Variants in MPP7 observed in about 807,000 individuals in gnomAD.
The protein encoded by MPP7 is MAGUK p55 subfamily member 7.
In MPP7, 60 loss-of-function variants were observed where a neutral mutation model predicts 76.5. The observed-to-expected ratio is 0.78, with a 90% confidence interval of 0.64 to 0.97. The LOEUF (loss-of-function observed/expected upper bound fraction) is 0.97, where lower values mean the gene tolerates loss of function less well. Among genes scored for constraint, MPP7 ranks in the 50% least tolerant of loss-of-function variants. The pLI is 0.00. For synonymous variants in MPP7, 237 were observed against 244.5 expected (o/e 0.97, Z 0.29); for missense variants, 641 against 694.0 (o/e 0.92, Z 0.86).
In MPP7 at chr10:28,073,854, T is replaced by C. The variant is rs78890166; in HGVS notation, c.1124-4002A>G. ...GCCCTGTCTGCCTGCAACTCTCTCCTTTACTTGAAGCTGAGAGGAATTCTG... is the reference window on the plus strand; with the variant it reads ...GCCCTGTCTGCCTGCAACTCTCTCCCTTACTTGAAGCTGAGAGGAATTCTG... On this transcript the variant is annotated intron_variant, in intron 12 of 16. Coordinates refer to ENST00000683449, the MANE Select transcript of MPP7 (RefSeq NM_001318170.2). Among the ~76,000 whole-genome samples, 1,174 of 152,226 alleles carry C rather than the reference T, an allele frequency of 7.7e-3. 47 individuals are homozygous for C. In the East Asian group the frequency reaches 0.11, roughly 15 times the overall value.
At position 28,207,714 on chromosome 10, in the gene MPP7, A is replaced by C. The variant is rs148286954; in HGVS notation, c.38-5443T>G. On this transcript the variant is annotated intron_variant, in intron 2 of 16. Coordinates refer to ENST00000683449, the MANE Select transcript of MPP7 (RefSeq NM_001318170.2). ...CTCAAAAAGAAAAAAAAAAATGAAAAAAGAAAGAAAAAGAAAAGGCTATAC... is the reference window on the plus strand; with the variant it reads ...CTCAAAAAGAAAAAAAAAAATGAAACAAGAAAGAAAAAGAAAAGGCTATAC... Among the ~76,000 whole-genome samples the C allele has an allele frequency of 7.2e-5, 11 of 152,114 alleles. No individual in the cohort carries two copies. The South Asian group carries it at 1.5e-3, about 20-fold the overall frequency.
At chr10:28,172,286 G>A (rs975580595) in intron 3 of MPP7, among the ~76,000 whole-genome samples, 5 of 152,110 alleles carry the variant, frequency 3.3e-5, no homozygotes, top group Non-Finnish European at 7.3e-5. Flanking sequence ...AGTAAAATAC[G>A]TGATTTAGAA....
At chr10:28,147,427 G>T in intron 5 of MPP7, 56 bp downstream of exon 5, 1 of 1,361,250 alleles carries the variant, frequency 7.3e-7, no homozygotes, top group Non-Finnish European at 1.1e-6. Flanking sequence ...TTCATCTGAA[G>T]GCTCAGAAAG....
chr10:28,109,406 T>G (rs1173060142), intron 11 of MPP7, among the ~76,000 whole-genome samples: 1 of 152,190 alleles, frequency 6.6e-6, no homozygotes, highest in Non-Finnish European at 1.5e-5. Flanking sequence ...TGCCATTAAT[T>G]GTGTAAAATT....
intron 2 of MPP7, among the ~76,000 whole-genome samples, chr10:28,213,336 C>T (rs1838204982): frequency 6.6e-6 from 1 of 152,062 alleles, no homozygotes; most frequent in Non-Finnish European, 1.5e-5. Context: ...GGCAGCTCCT[C>T]TATGGTCCCA....
intron 2 of MPP7, among the ~76,000 whole-genome samples, chr10:28,203,405 T>C (rs10740784): frequency 0.5 from 75,817 of 151,326 alleles, 21,286 homozygotes; most frequent in East Asian, 0.99. Context: ...TTAGGTACCA[T>C]ATTGAAAATT....
intron 1 of MPP7, among the ~76,000 whole-genome samples, chr10:28,239,312 A>AT (rs992601040): frequency 6.2e-4 from 90 of 144,246 alleles, no homozygotes; most frequent in Admixed American, 1.5e-3. Flanking sequence ...AGCCTGGCTA[A>AT]TTTTTTTTTT....
At chr10:28,260,959 C>T (rs1839932335) in intron 1 of MPP7, among the ~76,000 whole-genome samples, 1 of 151,920 alleles carries the variant, frequency 6.6e-6, no homozygotes, top group Admixed American at 6.6e-5. Flanking sequence ...AAGGTGCCTA[C>T]AAAATTACAC....
intron 5 of MPP7, among the ~76,000 whole-genome samples, chr10:28,132,936 G>GT (rs1291114679): frequency 6.7e-6 from 1 of 148,444 alleles, no homozygotes; most frequent in African/African-American, 2.5e-5. Context: ...ATACCTAAAG[G>GT]TTTTCTTTTC....
rs943120950 is a variant in MPP7, at chr10:28,114,499, C to T, written c.952+5152G>A. Among the ~76,000 whole-genome samples the T allele has an allele frequency of 4.0e-5, 6 of 151,860 alleles. No individual in the cohort carries two copies. The South Asian group carries it at 6.2e-4, about 16-fold the overall frequency. On this transcript the variant is annotated intron_variant, in intron 11 of 16. Transcript: ENST00000683449. Reference sequence around the variant, plus strand: ...AACTAGAAAGGTTCTGTGAAAAGCACGTGGTGAGTCCTGCACACTGGGCAG... The same window carrying T: ...AACTAGAAAGGTTCTGTGAAAAGCATGTGGTGAGTCCTGCACACTGGGCAG...
intron 1 of MPP7, among the ~76,000 whole-genome samples, chr10:28,264,352 G>A (rs1401949142): frequency 6.6e-6 from 1 of 151,984 alleles, no homozygotes; most frequent in African/African-American, 2.4e-5. Flanking sequence ...GGACAAAGAG[G>A]AGCATCAGAG....
At chr10:28,178,503 T>C (rs995800680) in intron 3 of MPP7, among the ~76,000 whole-genome samples, 1 of 150,684 alleles carries the variant, frequency 6.6e-6, no homozygotes, top group Non-Finnish European at 1.5e-5. Context: ...ATGAGGAGAA[T>C]TGAAAATGAA....
chr10:28,328,996 A>G (rs1337234440), intron 2 of MPP7, among the ~76,000 whole-genome samples: 1 of 152,190 alleles, frequency 6.6e-6, no homozygotes, highest in Non-Finnish European at 1.5e-5. Context: ...AGTAAAATGT[A>G]TTATAAAGGT....
At chr10:28,074,985 G>A (rs1254674596) in intron 12 of MPP7, among the ~76,000 whole-genome samples, 3 of 152,100 alleles carry the variant, frequency 2.0e-5, no homozygotes, top group African/African-American at 7.2e-5. Flanking sequence ...AGTTCCGCAG[G>A]CTGCCTGTGA....
upstream of MPP7, chr10:28,334,525 G>A (rs991195880): frequency 5.3e-5 from 8 of 152,144 alleles, no homozygotes; most frequent in African/African-American, 1.7e-4. Context: ...TGACCTCAAT[G>A]TTCTTGTGTT....
In MPP7 at chr10:28,103,843, G is replaced by A. The variant is rs546539083; in HGVS notation, c.953-14002C>T. Among the ~76,000 whole-genome samples the A allele has an allele frequency of 7.0e-4, 106 of 152,250 alleles. 1 individual carries two copies. Among genetic ancestry groups the A allele is most frequent in the Middle Eastern group, 6.8e-3 (2 of 294 alleles). ...GAGCTAAGGTGGTTCTCTCTCGAGA[G>A]AAGCCATAGGAATGGGGAGGAGGAG... On this transcript the variant is annotated intron_variant, in intron 11 of 16. Coordinates refer to ENST00000683449, the MANE Select transcript of MPP7 (RefSeq NM_001318170.2).
intron 3 of MPP7, among the ~76,000 whole-genome samples, chr10:28,199,027 G>A (rs1002474816): frequency 2.0e-5 from 3 of 152,184 alleles, no homozygotes; most frequent in Non-Finnish European, 4.4e-5. Flanking sequence ...GGCTGGGGAA[G>A]CATCACACTC....
chr10:28,202,270 A>C lies in MPP7; in HGVS notation c.39T>G (p.Gly13=). The change falls in exon 3 of 17, where the codon GGT becomes GGG. Residue 13 remains glycine, a splice_region_variant and synonymous_variant. Coordinates refer to ENST00000683449, the MANE Select transcript of MPP7 (RefSeq NM_001318170.2). ...GCAGAGCAGCCAACAGCTCATACAG[A>C]CCTATAAAATGAAAATAAAACACAA... ...ALSTGSGSDT[G]LYELLAALPA... The C allele has an allele frequency of 1.2e-6, 2 of 1,601,388 alleles. No homozygotes were observed. The highest frequency in any genetic ancestry group is 1.7e-6 in the Non-Finnish European group (2 of 1,171,524).
chr10:28,193,799 G>C (rs932632577), intron 3 of MPP7, among the ~76,000 whole-genome samples: 1 of 151,762 alleles, frequency 6.6e-6, no homozygotes, highest in African/African-American at 2.4e-5. Context: ...AAATAAACGT[G>C]TGAAGATATG....
Sources: allele counts gnomAD v4.1 joint callset (sites outside exome capture counted in the v4.1 genomes callset), GRCh38; gene constraint gnomAD v4.1.1; transcripts MANE v1.5; gene names NCBI Gene and HGNC (gene_info 2026-07-23, HGNC 2026-07-21).